Variants in ETV1 observed in about 807,000 individuals in gnomAD.
ETV1 encodes ETS translocation variant 1.
A neutral mutation model predicts 62.3 loss-of-function variants in ETV1; 27 were observed. The ratio of observed to expected loss-of-function variants is 0.43; its 90% confidence interval spans 0.32 to 0.60. ETV1 has a LOEUF of 0.60. Among genes scored for constraint, ETV1 ranks in the 20% least tolerant of loss-of-function variants. ETV1 has a pLI of 0.06. For missense variants in ETV1, 605 were observed against 605.8 expected (o/e 1.00, Z 0.01); for synonymous variants, 222 against 199.6 (o/e 1.11, Z -0.94).
rs554170878 is a variant in ETV1, at chr7:13,893,076, C to A, written c.*2790G>T. On this transcript the variant is annotated 3_prime_UTR_variant, in exon 14 of 14. Transcript: ENST00000430479. Reference sequence around the variant, plus strand: ...TCTGAAGCACTTTTCATGGACATAACAAGAAAAATTATTTTTACTTAGTTA... The same window carrying A: ...TCTGAAGCACTTTTCATGGACATAAAAAGAAAAATTATTTTTACTTAGTTA... 2.1e-5 allele frequency: 5 copies of A among 232,682 alleles called. No homozygotes were observed. The South Asian group carries it at 9.1e-4, about 42-fold the overall frequency. The allele number at this position is 232,682 out of a possible 1,614,324, so 14.4% of individuals were successfully genotyped here.
At chr7:13,977,063 G>C (rs1449007683) in intron 6 of ETV1, among the ~76,000 whole-genome samples, 1 of 152,116 alleles carries the variant, frequency 6.6e-6, no homozygotes, top group Admixed American at 6.6e-5. Context: ...CAGCATCCAG[G>C]CATTTCTCTG....
At chr7:13,977,579 G>T in intron 5 of ETV1, 99 bp from the exon 6 acceptor site, 1 of 794,102 alleles carries the variant, frequency 1.3e-6, no homozygotes, top group Non-Finnish European at 2.1e-6. Context: ...TTCTTGGGCT[G>T]AGATCAAACC....
At chr7:13,916,089 G>T (rs1341036421) in intron 9 of ETV1, among the ~76,000 whole-genome samples, 2 of 152,140 alleles carry the variant, frequency 1.3e-5, no homozygotes, top group African/African-American at 2.4e-5. Context: ...TGTGAAGAAG[G>T]CAGCAAAGCT....
At chr7:13,925,873 T>A (rs940291024) in intron 9 of ETV1, among the ~76,000 whole-genome samples, 7 of 152,020 alleles carry the variant, frequency 4.6e-5, no homozygotes, top group Admixed American at 6.6e-5. Context: ...TTTTTTTTTT[T>A]AAATACTCAT....
At chr7:13,974,115 C>A (rs2128496892) in intron 6 of ETV1, among the ~76,000 whole-genome samples, 1 of 152,254 alleles carries the variant, frequency 6.6e-6, no homozygotes, top group Middle Eastern at 3.4e-3. Context: ...TGGAGTCCAG[C>A]TAACTCTGTG....
intron 6 of ETV1, among the ~76,000 whole-genome samples, chr7:13,953,461 T>C (rs1339061765): frequency 6.6e-6 from 1 of 152,140 alleles, no homozygotes; most frequent in Non-Finnish European, 1.5e-5. Context: ...TAATGGACAA[T>C]ACATATTTAG....
At chr7:13,904,921 A>T (rs1371258496) in intron 12 of ETV1, among the ~76,000 whole-genome samples, 1 of 149,776 alleles carries the variant, frequency 6.7e-6, no homozygotes, top group South Asian at 2.2e-4. Context: ...AGTTAATTTT[A>T]AACACACTAC....
At chr7:13,925,644 C>A (rs1039225626) in intron 9 of ETV1, among the ~76,000 whole-genome samples, 14 of 151,658 alleles carry the variant, frequency 9.2e-5, no homozygotes, top group Non-Finnish European at 1.2e-4. Flanking sequence ...CAGCTCACTG[C>A]AAGCTACACC....
chr7:13,986,298 G>A (rs982441751), intron 5 of ETV1: 1 of 1,503,334 alleles, frequency 6.7e-7, no homozygotes, highest in Non-Finnish European at 8.8e-7. Context: ...CTGGCTCTAG[G>A]AGGTCTCTGG....
rs1360300792 is a variant in ETV1 at position 13,893,233 on chromosome 7, G to C, written c.*2633C>G. The C allele has an allele frequency of 2.6e-5, 6 of 232,300 alleles. No individual in the cohort carries two copies. The highest frequency in any genetic ancestry group is 2.2e-5 in the African/African-American group (1 of 45,286). The allele number at this position is 232,300 out of a possible 1,614,324, so 14.4% of individuals were successfully genotyped here. ...ATTAACAAATGATTTCTATGTTTGA[G>C]TAGCCAATTCAATGAGAAATTCAAA... On this transcript the variant is annotated 3_prime_UTR_variant, in exon 14 of 14. Coordinates refer to ENST00000430479, the MANE Select transcript of ETV1 (RefSeq NM_004956.5).
chr7:13,967,407 C>A (rs952394927), intron 6 of ETV1, among the ~76,000 whole-genome samples: 1 of 152,050 alleles, frequency 6.6e-6, no homozygotes, highest in Non-Finnish European at 1.5e-5. Context: ...ACATACAAAA[C>A]CATTGCACAA....
chr7:13,940,681 A>G (rs1168401862), intron 6 of ETV1, among the ~76,000 whole-genome samples: 1 of 152,186 alleles, frequency 6.6e-6, no homozygotes, highest in East Asian at 1.9e-4. Context: ...AAGATATGAC[A>G]AGAGGAATTT....
At chr7:13,953,219 C>T (rs1465922729) in intron 6 of ETV1, among the ~76,000 whole-genome samples, 1 of 152,096 alleles carries the variant, frequency 6.6e-6, no homozygotes, top group Non-Finnish European at 1.5e-5. Context: ...ATTTGAGAAA[C>T]AGATCTAATA....
intron 6 of ETV1, among the ~76,000 whole-genome samples, chr7:13,939,653 A>T (rs995203055): frequency 1.3e-5 from 2 of 152,218 alleles, no homozygotes; most frequent in Non-Finnish European, 2.9e-5. Context: ...AGCATTATTG[A>T]AAGGAAAATA....
At position 13,894,858 on chromosome 7, in the gene ETV1, A is replaced by G. The variant is rs1038016592; in HGVS notation, c.*1008T>C. The stretch of plus-strand genomic sequence containing the variant: ...ATGGGTACCATGTCTAAAAATTACT[A>G]TAGTACCTATTTAGTGTATTGGATA... On this transcript the variant is annotated 3_prime_UTR_variant, in exon 14 of 14. Transcript: ENST00000430479. 8.6e-6 allele frequency: 2 copies of G among 232,704 alleles called. No homozygotes were observed. The highest frequency in any genetic ancestry group is 5.6e-5 in the Admixed American group (1 of 17,752). 14.4% of individuals were successfully genotyped at this position (232,704 alleles called of 1,614,324 possible).
At chr7:13,917,728 G>T (rs1784342610) in intron 9 of ETV1, among the ~76,000 whole-genome samples, 2 of 151,968 alleles carry the variant, frequency 1.3e-5, no homozygotes, top group South Asian at 2.1e-4. Context: ...ACTTTGGGAG[G>T]CCAAGGTGGG....
chr7:13,967,983 G>T (rs1466675821), intron 6 of ETV1, among the ~76,000 whole-genome samples: 1 of 151,810 alleles, frequency 6.6e-6, no homozygotes, highest in Non-Finnish European at 1.5e-5. Context: ...TATAATATTT[G>T]GTTCTGCAAA....
chr7:13,963,510 A>G (rs1203621940), intron 6 of ETV1, among the ~76,000 whole-genome samples: 2 of 147,848 alleles, frequency 1.4e-5, no homozygotes, highest in African/African-American at 5.2e-5. Flanking sequence ...GTTTTTGAAA[A>G]CATTTTAATA....
At chr7:13,932,048 A>ACC (rs1340537540) in intron 8 of ETV1, among the ~76,000 whole-genome samples, 13 of 149,122 alleles carry the variant, frequency 8.7e-5, no homozygotes, top group Non-Finnish European at 1.6e-4. Flanking sequence ...ACACACCCAC[A>ACC]CACACACACA....
Sources: allele counts gnomAD v4.1 joint callset (sites outside exome capture counted in the v4.1 genomes callset), GRCh38; gene constraint gnomAD v4.1.1; transcripts MANE v1.5; gene names NCBI Gene and HGNC (gene_info 2026-07-23, HGNC 2026-07-21).